SOX5: variants seen among roughly 807,000 people sequenced by gnomAD.
The protein encoded by SOX5 is SRY-box transcription factor 5.
In SOX5, 9 loss-of-function variants were observed where a neutral mutation model predicts 92.0. The ratio of observed to expected loss-of-function variants is 0.10; its 90% CI spans 0.06 to 0.17. The LOEUF is 0.17. Among genes scored for constraint, SOX5 ranks in the 10% least tolerant of loss-of-function variants. SOX5 has a pLI of 1.00. For synonymous variants in SOX5, 344 were observed against 336.3 expected (o/e 1.02, Z -0.25); for missense variants, 642 against 944.5 (o/e 0.68, Z 4.20).
At chr12:24,027,197 A>G (rs1438790669) in intron 4 of SOX5, among the ~76,000 whole-genome samples, 2 of 151,946 alleles carry the variant, frequency 1.3e-5, no homozygotes, top group African/African-American at 4.8e-5. Flanking sequence ...CCAGATCTTT[A>G]AATTTTGAAC....
intron 1 of SOX5, among the ~76,000 whole-genome samples, chr12:24,559,804 T>C (rs1954159036): frequency 6.6e-6 from 1 of 152,202 alleles, no homozygotes; most frequent in African/African-American, 2.4e-5. Context: ...TTCATTTTTT[T>C]TCTTTTACCA....
intron 1 of SOX5, chr12:24,460,470 A>G (rs955064533): frequency 3.3e-5 from 5 of 152,228 alleles, no homozygotes; most frequent in Non-Finnish European, 7.3e-5. Context: ...CCACTACTAA[A>G]CGACAGAGAT....
intron 4 of SOX5, among the ~76,000 whole-genome samples, chr12:24,038,787 A>G (rs1956276475): frequency 6.6e-6 from 1 of 152,284 alleles, no homozygotes; most frequent in East Asian, 1.9e-4. Context: ...CAGTTTGTCC[A>G]CTATTTCCGA....
intron 2 of SOX5, among the ~76,000 whole-genome samples, chr12:24,315,074 T>C (rs1465354946): frequency 6.6e-6 from 1 of 152,224 alleles, no homozygotes; most frequent in Non-Finnish European, 1.5e-5. Flanking sequence ...AGTCTTAACA[T>C]AAAGAAACTT....
At chr12:24,216,224 C>T (rs1437055083) in intron 3 of SOX5, among the ~76,000 whole-genome samples, 2 of 152,192 alleles carry the variant, frequency 1.3e-5, no homozygotes, top group Non-Finnish European at 2.9e-5. Flanking sequence ...TGGCTTACGC[C>T]TGTAATCCCA....
At chr12:24,315,291 T>G (rs1334067162) in intron 2 of SOX5, among the ~76,000 whole-genome samples, 2 of 152,218 alleles carry the variant, frequency 1.3e-5, no homozygotes, top group African/African-American at 2.4e-5. Flanking sequence ...AAGAATGTTT[T>G]TTCTATTTTT....
At chr12:24,556,158 C>T (rs568954859) in intron 1 of SOX5, among the ~76,000 whole-genome samples, 203 of 152,334 alleles carry the variant, frequency 1.3e-3, no homozygotes, top group African/African-American at 4.4e-3. Context: ...AAGGCTCTCC[C>T]GGCCTTGTCC....
chr12:24,524,470 G>C (rs1206264994), intron 1 of SOX5, among the ~76,000 whole-genome samples: 1 of 151,408 alleles, frequency 6.6e-6, no homozygotes, highest in Non-Finnish European at 1.5e-5. Flanking sequence ...TGTCTGTTAA[G>C]AGGTGAATAT....
chr12:24,322,149 ATTAG>A (rs1950262002), intron 2 of SOX5, among the ~76,000 whole-genome samples: 1 of 152,156 alleles, frequency 6.6e-6, no homozygotes, highest in African/African-American at 2.4e-5. Flanking sequence ...AAAGCTGTTT[ATTAG>A]TTATATGCTT....
At chr12:23,919,277 A>G (rs114957498) in intron 1 of SOX5, among the ~76,000 whole-genome samples, 2,223 of 152,198 alleles carry the variant, frequency 0.015, 56 homozygotes, top group African/African-American at 0.051. Flanking sequence ...ATCATGAAAA[A>G]CCAAAAATCT....
intron 1 of SOX5, among the ~76,000 whole-genome samples, chr12:24,417,732 C>A (rs937431145): frequency 3.3e-5 from 5 of 152,072 alleles, no homozygotes; most frequent in African/African-American, 9.7e-5. Flanking sequence ...AATCTGGAAG[C>A]CTGGAGAAAA....
At chr12:23,914,765 A>G (rs1341925398) in intron 1 of SOX5, among the ~76,000 whole-genome samples, 1 of 152,078 alleles carries the variant, frequency 6.6e-6, no homozygotes, top group Non-Finnish European at 1.5e-5. Flanking sequence ...TAACTTTTTT[A>G]TTATAATAAG....
chr12:24,072,060 A>T (rs1484053172), intron 4 of SOX5, among the ~76,000 whole-genome samples: 3 of 152,224 alleles, frequency 2.0e-5, no homozygotes, highest in Non-Finnish European at 2.9e-5. Flanking sequence ...CCCAATTCTC[A>T]TTCAAGTGTT....
chr12:23,845,644 G>GA (rs397966085), intron 3 of SOX5, among the ~76,000 whole-genome samples: 9 of 149,726 alleles, frequency 6.0e-5, no homozygotes, highest in Non-Finnish European at 1.2e-4. Flanking sequence ...ATCCTCAAGG[G>GA]AAAAAAAAAT....
intron 4 of SOX5, among the ~76,000 whole-genome samples, chr12:24,141,339 GA>G (rs1950564283): frequency 1.3e-5 from 2 of 152,134 alleles, no homozygotes; most frequent in Non-Finnish European, 2.9e-5. Flanking sequence ...AGTTTTAAGG[GA>G]AAAATGGCTA....
intron 3 of SOX5, among the ~76,000 whole-genome samples, chr12:24,262,429 T>C (rs1159665788): frequency 6.6e-6 from 1 of 152,216 alleles, no homozygotes; most frequent in Non-Finnish European, 1.5e-5. Flanking sequence ...TAAATATTGT[T>C]TGTCACCATT....
intron 4 of SOX5, among the ~76,000 whole-genome samples, chr12:24,051,728 G>A (rs1029035965): frequency 5.3e-5 from 8 of 152,136 alleles, no homozygotes; most frequent in Admixed American, 4.6e-4. Context: ...GTCAAAACAC[G>A]TAGTTAGTAG....
In SOX5 at chr12:23,590,430, C is replaced by A. The variant is rs182476106; in HGVS notation, c.1164+13957G>T. Among the ~76,000 whole-genome samples the A allele has an allele frequency of 2.6e-5, 4 of 152,028 alleles. No individual in the cohort carries two copies. In the East Asian group the frequency reaches 7.7e-4, roughly 29 times the overall value. On this transcript the variant is annotated intron_variant, in intron 9 of 14. Transcript: ENST00000451604. Reference sequence around the variant, plus strand: ...CTCCAAAATTCAGATAAAATCCAACCTTTTATTCATTCATACCTATGTGTC... The same window carrying A: ...CTCCAAAATTCAGATAAAATCCAACATTTTATTCATTCATACCTATGTGTC...
rs1955067209 is a variant in SOX5, at chr12:24,357,895, A to G, written c.-174+10668T>C. Among the ~76,000 whole-genome samples the G allele has an allele frequency of 2.0e-5, 3 of 151,944 alleles. No homozygotes were observed. The South Asian group carries it at 6.2e-4, about 32-fold the overall frequency. Reference sequence around the variant, plus strand: ...AAAGCCTATTGAAATTGTATGCCTCAGTTTAGCCAAAACACCAAACAAATT... The same window carrying G: ...AAAGCCTATTGAAATTGTATGCCTCGGTTTAGCCAAAACACCAAACAAATT... On this transcript the variant is annotated intron_variant, in intron 2 of 4. Coordinates refer to the SOX5 transcript ENST00000446891.
Sources: gnomAD v4.1 joint callset for allele counts (sites outside exome capture counted in the v4.1 genomes callset) on GRCh38, gnomAD v4.1.1 for gene constraint, MANE v1.5 for transcripts, NCBI Gene and HGNC (gene_info 2026-07-23, HGNC 2026-07-21) for gene names.